The following CEP192 variants were observed in gnomAD, a reference collection of about 807,000 sequenced individuals.
The protein encoded by CEP192 is centrosomal protein 192, also known as centrosomal protein of 192 kDa.
CEP192 carries 151 observed loss-of-function variants against 271.8 expected under a neutral mutation model. The observed-to-expected ratio is 0.56, with a 90% CI of 0.49 to 0.64. CEP192 has a LOEUF of 0.64. CEP192 is among the 30% of genes least tolerant of loss of function. The pLI is 0.00. For synonymous variants in CEP192, 995 were observed against 1,076.5 expected (o/e 0.92, Z 1.48); for missense variants, 2,910 against 3,020.5 (o/e 0.96, Z 0.86).
At chr18:13,098,034 A>C (rs2039492415) in intron 36 of CEP192, among the ~76,000 whole-genome samples, 1 of 152,110 alleles carries the variant, frequency 6.6e-6, no homozygotes, top group South Asian at 2.1e-4. Context: ...AAAGTCTCCC[A>C]TGTCTACTTC....
intron 21 of CEP192, among the ~76,000 whole-genome samples, chr18:13,067,282 C>T (rs748906650): frequency 3.3e-5 from 5 of 152,050 alleles, no homozygotes; most frequent in East Asian, 1.9e-4. Context: ...GGGACATCCA[C>T]GAGTTTTGAT....
chr18:13,028,288 G>T (rs142787155), intron 9 of CEP192, among the ~76,000 whole-genome samples: 5 of 152,190 alleles, frequency 3.3e-5, no homozygotes, highest in Admixed American at 2.0e-4. Flanking sequence ...AGATCCTTAA[G>T]TTAATTACAT....
At chr18:13,010,491 A>G (rs894801350) in intron 4 of CEP192, among the ~76,000 whole-genome samples, 1 of 152,194 alleles carries the variant, frequency 6.6e-6, no homozygotes, top group Non-Finnish European at 1.5e-5. Flanking sequence ...TAAAAGAAAA[A>G]AATAGATGAA....
Position 13,068,392 on chromosome 18 carries a change from C to T in CEP192, c.4792C>T (p.His1598Tyr), listed in dbSNP as rs542978932. 1.2e-6 allele frequency: 2 copies of T among 1,612,590 alleles called. No homozygotes were observed. The highest frequency in any genetic ancestry group is 2.7e-5 in the African/African-American group (2 of 75,000). ...PEFLMIWVLF[H>Y]SPKKQISSSD... The stretch of plus-strand genomic sequence containing the variant: ...ATTTCTGATGATTTGGGTTCTTTTC[C>T]ATAGTCCAAAGAAACAGATCAGCTC... Residue 1598 changes from histidine to tyrosine, a missense_variant, in exon 24 of 45, where the codon CAT becomes TAT. Physicochemically the swap from His to Tyr is moderately conservative, Grantham distance 83. Coordinates refer to ENST00000506447, the MANE Select transcript of CEP192 (RefSeq NM_032142.4).
Position 13,000,091 on chromosome 18 carries a change from C to CTCTCTT in CEP192, c.164+504_164+505insCTCTTT, listed in dbSNP as rs1555698196. Among the ~76,000 whole-genome samples the CTCTCTT allele has an allele frequency of 7.6e-3, 580 of 76,696 alleles. 67 individuals carry two copies. Among genetic ancestry groups the CTCTCTT allele is most frequent in the Non-Finnish European group, 9.5e-3 (345 of 36,504 alleles). 50.3% of individuals were successfully genotyped at this position (76,696 alleles called of 152,430 possible). ...CTCTGTATAACTCATTGTCTTCTCT[C>CTCTCTT]TTTTTTTTTTTTTTTTTTTTTTTTT... On this transcript the variant is annotated intron_variant, in intron 2 of 44. Coordinates refer to ENST00000506447, the MANE Select transcript of CEP192 (RefSeq NM_032142.4).
At chr18:13,047,834 G>C (rs555302430) in intron 15 of CEP192, among the ~76,000 whole-genome samples, 1 of 152,236 alleles carries the variant, frequency 6.6e-6, no homozygotes, top group Admixed American at 6.5e-5. Flanking sequence ...AATTATACTT[G>C]CAATCACAAT....
At chr18:13,007,855 A>C (rs1354509922) in intron 3 of CEP192, among the ~76,000 whole-genome samples, 2 of 152,192 alleles carry the variant, frequency 1.3e-5, no homozygotes, top group Admixed American at 6.5e-5. Context: ...TCATGTAATG[A>C]ATTTGTTGCA....
intron 1 of CEP192, among the ~76,000 whole-genome samples, chr18:12,998,732 T>A (rs2033419805): frequency 6.6e-6 from 1 of 152,212 alleles, no homozygotes. Context: ...TTATTTCCTT[T>A]ACTGATTTCC....
At chr18:13,109,746 A>T (rs1040743811) in intron 40 of CEP192, among the ~76,000 whole-genome samples, 1 of 148,630 alleles carries the variant, frequency 6.7e-6, no homozygotes, top group African/African-American at 2.5e-5. Context: ...GAGAAGATTA[A>T]CATCTCCAAA....
At chr18:13,050,614 C>T (rs1238966685) in intron 17 of CEP192, among the ~76,000 whole-genome samples, 4 of 149,826 alleles carry the variant, frequency 2.7e-5, no homozygotes, top group African/African-American at 9.9e-5. Flanking sequence ...GAGTCTCGCT[C>T]TGTGGGCCAG....
intron 6 of CEP192, among the ~76,000 whole-genome samples, chr18:13,015,747 ATT>A (rs1165782893): frequency 3.5e-5 from 5 of 143,110 alleles, no homozygotes; most frequent in Non-Finnish European, 4.6e-5. Flanking sequence ...GAACCATGAA[ATT>A]TTTTTTTTTT....
chr18:12,997,062 C>T (rs539552593), intron 1 of CEP192, among the ~76,000 whole-genome samples: 2 of 151,942 alleles, frequency 1.3e-5, no homozygotes, highest in Non-Finnish European at 2.9e-5. Context: ...GCATGCCCAG[C>T]GTGGGAGGGC....
At chr18:13,050,433 C>T (rs2036719282) in intron 17 of CEP192, among the ~76,000 whole-genome samples, 1 of 152,132 alleles carries the variant, frequency 6.6e-6, no homozygotes, top group Admixed American at 6.5e-5. Flanking sequence ...TTTTCATGTT[C>T]ATCTGAAGCA....
At chr18:13,023,097 A>T (rs1467056195) in intron 9 of CEP192, among the ~76,000 whole-genome samples, 1 of 152,204 alleles carries the variant, frequency 6.6e-6, no homozygotes, top group Non-Finnish European at 1.5e-5. Flanking sequence ...TTTTCTGCAT[A>T]GATAATCATG....
chr18:13,000,897 G>A (rs1457541517), intron 2 of CEP192, among the ~76,000 whole-genome samples: 1 of 152,216 alleles, frequency 6.6e-6, no homozygotes, highest in Non-Finnish European at 1.5e-5. Context: ...AGATTGCAGT[G>A]ACCTGAGATT....
At chr18:13,009,321 G>A (rs925853601) in intron 4 of CEP192, among the ~76,000 whole-genome samples, 5 of 152,050 alleles carry the variant, frequency 3.3e-5, no homozygotes, top group Non-Finnish European at 5.9e-5. Flanking sequence ...CCATGCTGTC[G>A]GATGGCCACA....
In CEP192 at chr18:13,012,961, T is replaced by C; in HGVS notation, c.467-12T>C. 1 of 1,477,466 alleles carries C rather than the reference T, an allele frequency of 6.8e-7. No individual in the cohort carries two copies. 91.5% of individuals were successfully genotyped at this position (1,477,466 alleles called of 1,614,324 possible). On this transcript the variant is annotated splice_polypyrimidine_tract_variant and intron_variant, in intron 4 of 44. Coordinates refer to ENST00000506447, the MANE Select transcript of CEP192 (RefSeq NM_032142.4). ...ACCTGGTCTCTCAGTTTGTTTTTGTTTTCTTACACAGACTCACCTATTGAT... is the reference window on the plus strand; with the variant it reads ...ACCTGGTCTCTCAGTTTGTTTTTGTCTTCTTACACAGACTCACCTATTGAT...
intron 13 of CEP192, among the ~76,000 whole-genome samples, chr18:13,038,851 C>T (rs543841939): frequency 1.6e-4 from 24 of 152,226 alleles, no homozygotes; most frequent in Admixed American, 1.1e-3. Flanking sequence ...TTAAATGTGA[C>T]GGTTCATGTA....
At chr18:13,063,181 A>G (rs776369830) in intron 21 of CEP192, among the ~76,000 whole-genome samples, 1 of 152,206 alleles carries the variant, frequency 6.6e-6, no homozygotes, top group Non-Finnish European at 1.5e-5. Flanking sequence ...CAGTGCTGCA[A>G]TAAACATATC....
Sources: allele counts gnomAD v4.1 joint callset (sites outside exome capture counted in the v4.1 genomes callset), GRCh38; gene constraint gnomAD v4.1.1; transcripts MANE v1.5; gene names NCBI Gene and HGNC (gene_info 2026-07-23, HGNC 2026-07-21).